The following CNN3 variants were observed in gnomAD, a reference collection of about 807,000 sequenced individuals.
CNN3 encodes calponin-3.
CNN3 carries 11 observed loss-of-function variants against 39.0 expected under a neutral mutation model. That is an observed-to-expected ratio of 0.28 (90% CI 0.18 to 0.47). The LOEUF is 0.47. Ranked by LOEUF, CNN3 falls within the 20% of genes least tolerant of loss-of-function variation. The probability of loss-of-function intolerance (pLI) is 0.99; values close to 1 mark genes in which losing one functional copy is unlikely to be tolerated. For missense variants in CNN3, 266 were observed against 403.4 expected (o/e 0.66, Z 2.92); for synonymous variants, 101 against 138.3 (o/e 0.73, Z 1.89).
Position 94,926,971 on chromosome 1 carries a change from A to C in CNN3, c.-77T>G. On this transcript the variant is annotated 5_prime_UTR_variant, in exon 1 of 7. Coordinates refer to ENST00000370206, the MANE Select transcript of CNN3 (RefSeq NM_001839.5). This position sits in a 1 kb window ranked among gnomAD's most constrained non-coding sequence, Gnocchi z 4.2. The stretch of plus-strand genomic sequence containing the variant: ...CTTCGCTTCCCCGCTCCTGGCCCCG[A>C]GGAGTGGCCGCCGCGGGGGATGCTC... 1 of 1,487,102 alleles carries C rather than the reference A, an allele frequency of 6.7e-7. No individual in the cohort carries two copies. Among genetic ancestry groups the C allele is most frequent in the South Asian group, 1.2e-5 (1 of 83,750 alleles). 92.1% of individuals were successfully genotyped at this position (1,487,102 alleles called of 1,614,324 possible). A position where few individuals can be genotyped will look rare whatever the true frequency, so the allele number is the denominator to read the frequency against.
At chr1:94,914,025 G>C (rs1304535843) in intron 1 of CNN3, among the ~76,000 whole-genome samples, 1 of 152,106 alleles carries the variant, frequency 6.6e-6, no homozygotes, top group African/African-American at 2.4e-5. Context: ...GGTAAAAAGA[G>C]GTGAAAATAG....
In CNN3 at chr1:94,903,389, G is replaced by A. The variant is rs753648976; in HGVS notation, c.179+14C>T. 7 of 1,568,730 alleles carry A rather than the reference G, an allele frequency of 4.5e-6. No individual in the cohort carries two copies. In the East Asian group the frequency reaches 1.6e-4, roughly 35 times the overall value. On this transcript the variant is annotated intron_variant, in intron 2 of 6. Coordinates refer to ENST00000370206, the MANE Select transcript of CNN3 (RefSeq NM_001839.5). The stretch of plus-strand genomic sequence containing the variant: ...TGGAAGAGCAGAAACAGATTCTGGA[G>A]GGCTGTAACTCACTCGCAGAGGATG...
chr1:94,906,625 T>A (rs1190982511), intron 1 of CNN3, among the ~76,000 whole-genome samples: 1 of 152,210 alleles, frequency 6.6e-6, no homozygotes, highest in Admixed American at 6.5e-5. Flanking sequence ...TCCTCTAACT[T>A]CTCTCGATCC....
intron 3 of CNN3, 29 bp downstream of exon 3, chr1:94,903,093 G>A (rs775221439): frequency 1.4e-6 from 2 of 1,478,018 alleles, no homozygotes; most frequent in Admixed American, 2.2e-5. Flanking sequence ...CAACCAACTA[G>A]AACCAGAGGT....
intron 1 of CNN3, among the ~76,000 whole-genome samples, chr1:94,905,267 T>C (rs1171298938): frequency 6.6e-6 from 1 of 152,180 alleles, no homozygotes; most frequent in African/African-American, 2.4e-5. Context: ...TTTGTGTCCA[T>C]CAAAAGCCAC....
At chr1:94,921,136 G>A (rs1671430781) in intron 1 of CNN3, among the ~76,000 whole-genome samples, 1 of 152,220 alleles carries the variant, frequency 6.6e-6, no homozygotes, top group African/African-American at 2.4e-5. Context: ...GCTCACACCT[G>A]TAATCCCAGC....
chr1:94,915,171 T>C (rs1008905490), intron 1 of CNN3, among the ~76,000 whole-genome samples: 1 of 152,224 alleles, frequency 6.6e-6, no homozygotes, highest in African/African-American at 2.4e-5. Context: ...TTGTACTTTC[T>C]GAGACCCTAA....
intron 1 of CNN3, among the ~76,000 whole-genome samples, chr1:94,921,169 G>A (rs1490842159): frequency 6.6e-6 from 1 of 152,168 alleles, no homozygotes; most frequent in Non-Finnish European, 1.5e-5. Flanking sequence ...CAAGGCAGGT[G>A]TTATCACTTG....
chr1:94,899,289 CA>C (rs11449294), intron 6 of CNN3, 81 bp downstream of exon 6: 2 of 1,427,376 alleles, frequency 1.4e-6, no homozygotes, highest in East Asian at 2.4e-5. Flanking sequence ...ATAAACTATA[CA>C]AAAAATACCT....
chr1:94,914,780 T>C (rs1019703665), intron 1 of CNN3, among the ~76,000 whole-genome samples: 2 of 152,240 alleles, frequency 1.3e-5, no homozygotes, highest in Non-Finnish European at 1.5e-5. Flanking sequence ...TAGATGCTGA[T>C]GGAATCTTAC....
At chr1:94,919,310 A>G (rs1671380900) in intron 1 of CNN3, among the ~76,000 whole-genome samples, 1 of 152,212 alleles carries the variant, frequency 6.6e-6, no homozygotes, top group Non-Finnish European at 1.5e-5. Context: ...CTAAGGCCCA[A>G]AGACCACAGC....
In CNN3 at chr1:94,899,467, A is replaced by G. The variant is rs902292569; in HGVS notation, c.552T>C (p.Thr184=). ...ASQAGMTAYG[T]RRHLYDPKMQ... ...TTTTGGGATCATAAAGATGCCTCCT[A>G]GTCCCGTAAGCTGTCATACCTGCCT... The change falls in exon 6 of 7, where the codon ACT becomes ACC. Residue 184 remains threonine, a synonymous_variant. Coordinates refer to ENST00000370206, the MANE Select transcript of CNN3 (RefSeq NM_001839.5). 4.4e-5 allele frequency: 71 copies of G among 1,614,060 alleles called. No homozygotes were observed. Among genetic ancestry groups the G allele is most frequent in the Non-Finnish European group, 5.7e-5 (67 of 1,179,948 alleles).
chr1:94,898,298 C>CA (rs1464238837), intron 6 of CNN3, among the ~76,000 whole-genome samples: 4 of 152,288 alleles, frequency 2.6e-5, no homozygotes, highest in African/African-American at 9.6e-5. Flanking sequence ...GACCTTTCTT[C>CA]AAAATCCTTG....
intron 1 of CNN3, among the ~76,000 whole-genome samples, chr1:94,909,272 T>C (rs1024963553): frequency 6.6e-6 from 1 of 152,036 alleles, no homozygotes; most frequent in Non-Finnish European, 1.5e-5. Flanking sequence ...GTGAAAAAAA[T>C]CTTAAGACAA....
chr1:94,902,073 C>A (rs1557908202), intron 4 of CNN3, 48 bp downstream of exon 4: 4 of 1,522,036 alleles, frequency 2.6e-6, no homozygotes, highest in Non-Finnish European at 3.6e-6. Context: ...CAATTCATCA[C>A]CAATGTGGTG....
chr1:94,925,675 C>A, intron 1 of CNN3: 1 of 985,482 alleles, frequency 1.0e-6, no homozygotes, highest in Non-Finnish European at 1.2e-6. Flanking sequence ...CCCGCAGCCC[C>A]GGGATGTTCC....
chr1:94,907,791 C>T lies in CNN3; in HGVS notation c.58-4267G>A, dbSNP rs578079420. Among the ~76,000 whole-genome samples, 203 of 152,282 alleles carry T rather than the reference C, an allele frequency of 1.3e-3. 2 individuals are homozygous for T. Among genetic ancestry groups the T allele is most frequent in the African/African-American group, 4.6e-3 (190 of 41,560 alleles). The stretch of plus-strand genomic sequence containing the variant: ...AGGAGAATGGTGTGAACCCGGGAGG[C>T]GGGGCTTGCAGTGAGCTGAGATGGT... On this transcript the variant is annotated intron_variant, in intron 1 of 6. Coordinates refer to ENST00000370206, the MANE Select transcript of CNN3 (RefSeq NM_001839.5).
rs564969467 is a variant in CNN3, at chr1:94,926,302, G to A, written c.57+536C>T. On this transcript the variant is annotated intron_variant, in intron 1 of 6. Transcript: ENST00000370206. This position sits in a 1 kb window ranked among gnomAD's most constrained non-coding sequence, Gnocchi z 4.2. The stretch of plus-strand genomic sequence containing the variant: ...GGCACCGAGATCGGAGACTGTGATG[G>A]GTCCCGGACCGGCTTCCGTTCCTCG... Among the ~76,000 whole-genome samples, 379 of 152,292 alleles carry A rather than the reference G, an allele frequency of 2.5e-3. 1 individual carries two copies. The highest frequency in any genetic ancestry group is 8.8e-3 in the African/African-American group (365 of 41,568).
intron 1 of CNN3, among the ~76,000 whole-genome samples, chr1:94,917,429 G>C (rs895329889): frequency 3.3e-5 from 5 of 152,188 alleles, no homozygotes; most frequent in Non-Finnish European, 7.3e-5. Context: ...AGTCTGCTGG[G>C]GACGAGGGAT....
Sources: allele counts gnomAD v4.1 joint callset (sites outside exome capture counted in the v4.1 genomes callset), GRCh38; gene constraint gnomAD v4.1.1; non-coding constraint Gnocchi (gnomAD v3.1); transcripts MANE v1.5; gene names NCBI Gene and HGNC (gene_info 2026-07-23, HGNC 2026-07-21).